Variants in KYNU observed in about 807,000 individuals in gnomAD.
KYNU encodes the protein kynureninase, also known as L-kynurenine hydrolase.
Under a neutral mutation model 59.2 loss-of-function variants are expected in KYNU, and 54 were observed. The ratio of observed to expected loss-of-function variants is 0.91; its 90% confidence interval spans 0.73 to 1.14. KYNU has a LOEUF of 1.14. Among genes scored for constraint, KYNU ranks in the 50% most tolerant of loss-of-function variants. The probability of loss-of-function intolerance (pLI) is 0.00; values close to 1 mark genes in which losing one functional copy is unlikely to be tolerated. For synonymous variants in KYNU, 177 were observed against 192.0 expected, an observed-to-expected ratio of 0.92 and a Z score of 0.65; for missense variants, 567 against 554.4, an observed-to-expected ratio of 1.02 and a Z score of -0.23.
chr2:142,956,206 T>C lies in KYNU; in HGVS notation c.439T>C (p.Ser147Pro), dbSNP rs779118861. The change falls in exon 6 of 14, where the codon TCA (serine) becomes CCA (proline). Residue 147 changes from serine (S) to proline (P), a missense_variant. Transcript: ENST00000264170. ...CAATAAATCCATTTTATTGCAGTTA[T>C]CATTTTTTAAGCCTACGCCAAAACG... is the stretch of plus-strand genomic sequence containing the variant. The part of the protein sequence containing the change: ...LTVNLHLLML[S>P]FFKPTPKRYK... 5 of 1,568,710 alleles carry C rather than the reference T, an allele frequency of 3.2e-6. No homozygotes were observed. Among genetic ancestry groups the C allele is most frequent in the South Asian group, 1.1e-5 (1 of 89,976 alleles).
chr2:143,021,778 A>G (rs890007446), intron 10 of KYNU, among the ~76,000 whole-genome samples: 1 of 152,172 alleles, frequency 6.6e-6, no homozygotes, highest in Admixed American at 6.5e-5. Flanking sequence ...GACATTGGGA[A>G]TTACATTTCA....
chr2:143,023,579 G>T (rs1414597942), intron 10 of KYNU, among the ~76,000 whole-genome samples: 1 of 151,796 alleles, frequency 6.6e-6, no homozygotes, highest in Non-Finnish European at 1.5e-5. Context: ...CTTTATGAGT[G>T]TTGGTGTGGT....
intron 1 of KYNU, among the ~76,000 whole-genome samples, chr2:142,882,215 A>G (rs943483974): frequency 6.6e-6 from 1 of 151,700 alleles, no homozygotes; most frequent in African/African-American, 2.4e-5. Context: ...TTTTTCTCCA[A>G]ACTACATCAT....
intron 2 of KYNU, among the ~76,000 whole-genome samples, chr2:142,913,462 T>C (rs945068084): frequency 8.5e-5 from 13 of 152,228 alleles, no homozygotes; most frequent in African/African-American, 3.1e-4. Context: ...CCCAAAGTCA[T>C]TCAGGAGTAA....
In KYNU at chr2:143,002,834, T is replaced by C. The variant is rs78956522; in HGVS notation, c.902+16813T>C. 3.9e-3 allele frequency among the ~76,000 whole-genome samples: 595 copies of C among 152,340 alleles called. 19 individuals are homozygous for C. The highest frequency in any genetic ancestry group is 0.032 in the East Asian group (166 of 5,186). ...CAGAAAACATTATGTGCATAAAATT[T>C]CATATATTATCTTTGATATGTAAAT... On this transcript the variant is annotated intron_variant, in intron 10 of 13. Transcript: ENST00000264170.
intron 2 of KYNU, among the ~76,000 whole-genome samples, chr2:142,896,088 C>T (rs1681865939): frequency 6.6e-6 from 1 of 152,122 alleles, no homozygotes; most frequent in Admixed American, 6.6e-5. Flanking sequence ...CATACAAAAA[C>T]AGGTCATGGG....
At chr2:143,028,243 C>CTTTTTTTTTTTTTTTTTTTT (rs754504556) in intron 10 of KYNU, among the ~76,000 whole-genome samples, 3 of 90,430 alleles carry the variant, frequency 3.3e-5, no homozygotes, top group Non-Finnish European at 6.1e-5. Flanking sequence ...ATTTTACATT[C>CTTTTTTTTTTTTTTTTTTTT]TTTTTTTTTT....
chr2:142,984,326 T>C (rs1443669097), intron 8 of KYNU, among the ~76,000 whole-genome samples: 1 of 152,058 alleles, frequency 6.6e-6, no homozygotes, highest in East Asian at 1.9e-4. Flanking sequence ...GTCATACTCA[T>C]GGAAGTGGAT....
chr2:142,908,344 G>C lies in KYNU; in HGVS notation c.170-10265G>C, dbSNP rs1682364985. 2.0e-5 allele frequency among the ~76,000 whole-genome samples: 3 copies of C among 151,992 alleles called. No homozygotes were observed. The South Asian group carries it at 6.2e-4, about 32-fold the overall frequency. ...TCTTAAATTACAGTAACCTTATGCT[G>C]TAGTAAGTTGAAGGTAAGCTACCTT... On this transcript the variant is annotated intron_variant, in intron 2 of 13. Coordinates refer to ENST00000264170, the MANE Select transcript of KYNU (RefSeq NM_003937.3).
At chr2:142,960,596 G>A in intron 7 of KYNU, 28 bp from the exon 8 acceptor site, 1 of 1,599,740 alleles carries the variant, frequency 6.3e-7, no homozygotes, top group Non-Finnish European at 8.6e-7. Context: ...TTATCGATAT[G>A]ACCTAACTTG....
At chr2:142,921,415 G>GT (rs1682878127) in intron 3 of KYNU, among the ~76,000 whole-genome samples, 2 of 152,172 alleles carry the variant, frequency 1.3e-5, no homozygotes, top group Non-Finnish European at 2.9e-5. Flanking sequence ...GTTCAGATGT[G>GT]TTCAAAGTAG....
intron 8 of KYNU, among the ~76,000 whole-genome samples, chr2:142,972,381 C>T (rs1050293243): frequency 6.6e-6 from 1 of 152,106 alleles, no homozygotes; most frequent in African/African-American, 2.4e-5. Flanking sequence ...TAGCAAAATG[C>T]TCATTTTCTT....
chr2:142,927,114 G>C (rs1683068709), intron 3 of KYNU, among the ~76,000 whole-genome samples: 1 of 152,152 alleles, frequency 6.6e-6, no homozygotes, highest in Non-Finnish European at 1.5e-5. Context: ...TGTGACAGAT[G>C]AAATTGCTAG....
intron 3 of KYNU, among the ~76,000 whole-genome samples, chr2:142,927,217 TAC>T (rs2105012948): frequency 6.6e-6 from 1 of 152,362 alleles, no homozygotes; most frequent in South Asian, 2.1e-4. Context: ...TCACATTTTA[TAC>T]ACTTCTATTA....
chr2:143,055,115 A>G lies in KYNU; in HGVS notation c.*12943A>G, dbSNP rs1480931297. On this transcript the variant is annotated 3_prime_UTR_variant, in exon 14 of 14. Transcript: ENST00000264170. ...TTATAAAAAAGAACGATGACAAACT[A>G]AAAAGGTGTAGTATTCTTCTATGGC... The G allele has an allele frequency of 6.6e-6, 1 of 152,212 alleles. No homozygotes were observed. The highest frequency in any genetic ancestry group is 2.4e-5 in the African/African-American group (1 of 41,460). The allele number at this position is 152,212 out of a possible 1,614,324, so 9.4% of individuals were successfully genotyped here. A position where few individuals can be genotyped will look rare whatever the true frequency, so the allele number is the denominator to read the frequency against.
chr2:143,000,257 C>A (rs958483582), intron 10 of KYNU, among the ~76,000 whole-genome samples: 2 of 152,140 alleles, frequency 1.3e-5, no homozygotes, highest in Non-Finnish European at 2.9e-5. Context: ...GCTATGACCA[C>A]TGAATTCAAT....
At chr2:142,940,657 A>G (rs1005509706) in intron 4 of KYNU, among the ~76,000 whole-genome samples, 3 of 152,226 alleles carry the variant, frequency 2.0e-5, no homozygotes, top group African/African-American at 7.2e-5. Flanking sequence ...CTTATTTTAA[A>G]TTTTTAAAAG....
chr2:142,900,697 A>T (rs1433235938), intron 2 of KYNU, among the ~76,000 whole-genome samples: 1 of 152,138 alleles, frequency 6.6e-6, no homozygotes, highest in Non-Finnish European at 1.5e-5. Flanking sequence ...CTCCCTTCTC[A>T]ACAGGAAAAC....
chr2:142,894,666 A>C (rs1200290167), intron 2 of KYNU, among the ~76,000 whole-genome samples: 3 of 152,330 alleles, frequency 2.0e-5, no homozygotes, highest in East Asian at 3.9e-4. Context: ...GCCACAACTT[A>C]ATATGTATTT....
Sources: gnomAD v4.1 joint callset for allele counts (sites outside exome capture counted in the v4.1 genomes callset) on GRCh38, gnomAD v4.1.1 for gene constraint, MANE v1.5 for transcripts, NCBI Gene and HGNC (gene_info 2026-07-23, HGNC 2026-07-21) for gene names.